Variants in LRRTM4 observed in about 807,000 individuals in gnomAD.
LRRTM4 encodes leucine-rich repeat transmembrane neuronal protein 4.
In LRRTM4, 25 loss-of-function variants were observed where a neutral mutation model predicts 47.6. The observed-to-expected ratio is 0.53, with a 90% CI of 0.38 to 0.73. The LOEUF is 0.73. LRRTM4 is among the 30% of genes least tolerant of loss of function. LRRTM4 has a pLI of 0.00. For missense variants in LRRTM4, 638 were observed against 713.4 expected, an observed-to-expected ratio of 0.89 and a Z score of 1.20; for synonymous variants, 311 against 269.5, an observed-to-expected ratio of 1.15 and a Z score of -1.51.
chr2:76,977,380 G>A (rs1676457232), intron 3 of LRRTM4, among the ~76,000 whole-genome samples: 1 of 151,334 alleles, frequency 6.6e-6, no homozygotes, highest in Admixed American at 6.6e-5. Context: ...TTACCAACCT[G>A]TTGGAAATCA....
chr2:77,483,871 T>A (rs771325170), intron 3 of LRRTM4, among the ~76,000 whole-genome samples: 8 of 152,224 alleles, frequency 5.3e-5, no homozygotes, highest in Admixed American at 1.3e-4. Flanking sequence ...TAATTAATAA[T>A]AATAGCTTGA....
At chr2:77,425,598 A>G (rs1180746970) in intron 3 of LRRTM4, among the ~76,000 whole-genome samples, 2 of 152,158 alleles carry the variant, frequency 1.3e-5, no homozygotes, top group Non-Finnish European at 2.9e-5. Context: ...ATTTCCCTAG[A>G]TAATCATATA....
intron 3 of LRRTM4, among the ~76,000 whole-genome samples, chr2:77,090,904 ACT>A (rs1670605832): frequency 6.6e-6 from 1 of 151,884 alleles, no homozygotes; most frequent in African/African-American, 2.4e-5. Flanking sequence ...GCTTCAGGTA[ACT>A]CTCACAGTGG....
intron 3 of LRRTM4, among the ~76,000 whole-genome samples, chr2:76,995,986 G>T (rs529853343): frequency 1.6e-4 from 25 of 152,092 alleles, no homozygotes; most frequent in African/African-American, 5.8e-4. Flanking sequence ...AGATAATGTA[G>T]TATTTTTTAA....
At chr2:77,465,126 T>A (rs72811245) in intron 3 of LRRTM4, among the ~76,000 whole-genome samples, 35,680 of 152,012 alleles carry the variant, frequency 0.23, 4,681 homozygotes, top group Non-Finnish European at 0.3. Context: ...ATAGTTTTTT[T>A]AAATGGTCTT....
chr2:77,318,130 C>T (rs965022912), intron 3 of LRRTM4, among the ~76,000 whole-genome samples: 4 of 151,552 alleles, frequency 2.6e-5, no homozygotes, highest in Non-Finnish European at 5.9e-5. Flanking sequence ...CCTCAGCCTC[C>T]CGAGTAGCTG....
At chr2:77,128,538 G>A (rs1273281880) in intron 3 of LRRTM4, among the ~76,000 whole-genome samples, 2 of 152,072 alleles carry the variant, frequency 1.3e-5, no homozygotes, top group South Asian at 4.1e-4. Flanking sequence ...ATTCACAACG[G>A]TAAGTCCCAT....
intron 3 of LRRTM4, among the ~76,000 whole-genome samples, chr2:76,802,509 G>T (rs760213631): frequency 3.3e-5 from 5 of 152,002 alleles, no homozygotes; most frequent in Admixed American, 6.6e-5. Context: ...TTCATGGATT[G>T]GAAGAATGGA....
At chr2:77,424,796 A>G (rs1006822439) in intron 3 of LRRTM4, among the ~76,000 whole-genome samples, 1 of 151,938 alleles carries the variant, frequency 6.6e-6, no homozygotes, top group South Asian at 2.1e-4. Flanking sequence ...TCACATATAC[A>G]CTCCTGGTGG....
intron 3 of LRRTM4, among the ~76,000 whole-genome samples, chr2:77,170,961 T>C (rs982630161): frequency 4.9e-4 from 74 of 149,992 alleles, no homozygotes; most frequent in Non-Finnish European, 4.3e-4. Flanking sequence ...GTATTATATG[T>C]ACGTATACTA....
chr2:76,899,311 CCACACACACACACACACACACA>C (rs34031809), intron 3 of LRRTM4, among the ~76,000 whole-genome samples: 1 of 136,414 alleles, frequency 7.3e-6, no homozygotes, highest in Non-Finnish European at 1.6e-5. Flanking sequence ...GACTAATAAA[CCACACACACACACACACACACA>C]CACACACACA....
At chr2:77,471,319 G>A (rs1447528334) in intron 3 of LRRTM4, among the ~76,000 whole-genome samples, 1 of 151,968 alleles carries the variant, frequency 6.6e-6, no homozygotes, top group Non-Finnish European at 1.5e-5. Context: ...TAATTTCCAA[G>A]AATGACTACT....
At chr2:76,792,945 A>G (rs992016067) in intron 3 of LRRTM4, among the ~76,000 whole-genome samples, 3 of 152,146 alleles carry the variant, frequency 2.0e-5, no homozygotes, top group African/African-American at 7.2e-5. Flanking sequence ...TTAGGGGTGG[A>G]GGGTGAATCC....
chr2:77,024,290 A>G (rs551774048), intron 3 of LRRTM4, among the ~76,000 whole-genome samples: 6 of 152,260 alleles, frequency 3.9e-5, no homozygotes, highest in East Asian at 3.9e-4. Context: ...CTTTGTTTCT[A>G]TAAGTTTGAC....
At chr2:77,035,766 T>C (rs1374873013) in intron 3 of LRRTM4, among the ~76,000 whole-genome samples, 1 of 151,850 alleles carries the variant, frequency 6.6e-6, no homozygotes, top group Non-Finnish European at 1.5e-5. Context: ...ACAATTTGTT[T>C]AGTAATTTAC....
At chr2:77,413,423 T>C (rs1244918241) in intron 3 of LRRTM4, among the ~76,000 whole-genome samples, 1 of 152,116 alleles carries the variant, frequency 6.6e-6, no homozygotes, top group Non-Finnish European at 1.5e-5. Flanking sequence ...TCCTACGCAT[T>C]CCAAACAGTG....
intron 2 of LRRTM4, among the ~76,000 whole-genome samples, chr2:77,521,067 G>T (rs776645540): frequency 1.3e-4 from 19 of 150,938 alleles, no homozygotes; most frequent in Non-Finnish European, 2.7e-4. Flanking sequence ...TTTAAAACCC[G>T]ATCTTGCTCT....
chr2:76,785,777 TA>T, intron 3 of LRRTM4, among the ~76,000 whole-genome samples: 1 of 152,128 alleles, frequency 6.6e-6, no homozygotes, highest in East Asian at 1.9e-4. Flanking sequence ...AATCCATATT[TA>T]AACTTATAGC....
At chr2:77,167,004 T>C (rs887697970) in intron 3 of LRRTM4, among the ~76,000 whole-genome samples, 11 of 151,970 alleles carry the variant, frequency 7.2e-5, no homozygotes, top group Non-Finnish European at 1.2e-4. Flanking sequence ...GAAACTACCA[T>C]CAGAGTGAAG....
Sources: allele counts gnomAD v4.1 joint callset (sites outside exome capture counted in the v4.1 genomes callset), GRCh38; gene constraint gnomAD v4.1.1; transcripts MANE v1.5; gene names NCBI Gene and HGNC (gene_info 2026-07-23, HGNC 2026-07-21).